KREMEN1: variants seen among roughly 807,000 people sequenced by gnomAD.
KREMEN1 encodes the protein kremen protein 1.
KREMEN1 carries 30 observed loss-of-function variants against 46.5 expected under a neutral mutation model. The ratio of observed to expected loss-of-function variants is 0.65; its 90% CI spans 0.48 to 0.88. The LOEUF (loss-of-function observed/expected upper bound fraction) is 0.88. KREMEN1 is among the 40% of genes least tolerant of loss of function. KREMEN1 has a pLI of 0.00. For synonymous variants in KREMEN1, 214 were observed against 230.6 expected, an observed-to-expected ratio of 0.93 and a Z score of 0.65; for missense variants, 533 against 596.9, an observed-to-expected ratio of 0.89 and a Z score of 1.11.
chr22:29,163,592 G>T (rs771978537), intron 9 of KREMEN1, among the ~76,000 whole-genome samples: 13 of 152,082 alleles, frequency 8.5e-5, no homozygotes, highest in Non-Finnish European at 1.3e-4. Context: ...GGCCAGGTTG[G>T]TCTGGAACTC....
intron 1 of KREMEN1, among the ~76,000 whole-genome samples, chr22:29,074,999 G>GC (rs1427564142): frequency 6.6e-6 from 1 of 152,176 alleles, no homozygotes; most frequent in African/African-American, 2.4e-5. Context: ...AATGCTAAGA[G>GC]CTTTCGGTCT....
chr22:29,164,272 G>GA (rs575697012), intron 9 of KREMEN1, among the ~76,000 whole-genome samples: 11 of 152,346 alleles, frequency 7.2e-5, no homozygotes, highest in African/African-American at 2.6e-4. Context: ...AAACTGATGG[G>GA]ACCAGTCCTT....
downstream of KREMEN1, among the ~76,000 whole-genome samples, chr22:29,150,441 C>A (rs952500241): frequency 2.0e-5 from 3 of 152,218 alleles, no homozygotes; most frequent in Non-Finnish European, 4.4e-5. Context: ...CCAGAGTAAC[C>A]CCTCCGGGAG....
At chr22:29,099,784 G>A (rs762888227) in intron 3 of KREMEN1, among the ~76,000 whole-genome samples, 1 of 151,990 alleles carries the variant, frequency 6.6e-6, no homozygotes, top group South Asian at 2.1e-4. Context: ...TCTTGACCTC[G>A]TGATCCGCCC....
At position 29,146,435 on chromosome 22, in the gene KREMEN1, A is replaced by ATTTTC. The variant is rs1240612350; in HGVS notation, c.*4323_*4324insTTTTC. The ATTTTC allele has an allele frequency of 5.1e-6, 5 of 985,536 alleles. No homozygotes were observed. Among genetic ancestry groups the ATTTTC allele is most frequent in the Non-Finnish European group, 6.0e-6 (5 of 829,954 alleles). The allele number at this position is 985,536 out of a possible 1,614,324, so 61.0% of individuals were successfully genotyped here. On this transcript the variant is annotated 3_prime_UTR_variant, in exon 9 of 9. Transcript: ENST00000400335. Reference sequence around the variant, plus strand: ...GAGGCAGAAGTGGGGTGTGGAGGAAAGTCAGAGGGAAATCTGCTTCAGAAA... The same window carrying ATTTTC: ...GAGGCAGAAGTGGGGTGTGGAGGAAATTTTCGTCAGAGGGAAATCTGCTTCAGAAA...
At chr22:29,076,034 G>C (rs1028608586) in intron 1 of KREMEN1, among the ~76,000 whole-genome samples, 1 of 152,142 alleles carries the variant, frequency 6.6e-6, no homozygotes, top group South Asian at 2.1e-4. Flanking sequence ...GAAAGTAGAA[G>C]GTAATGGAAT....
At chr22:29,098,666 A>G (rs1379099875) in intron 2 of KREMEN1, among the ~76,000 whole-genome samples, 196 bp from the exon 3 acceptor site, 1 of 152,198 alleles carries the variant, frequency 6.6e-6, no homozygotes, top group Non-Finnish European at 1.5e-5. Flanking sequence ...ACTCTGAAGT[A>G]TATGTCAGAA....
At chr22:29,077,686 A>G (rs1186483929) in intron 1 of KREMEN1, among the ~76,000 whole-genome samples, 2 of 152,240 alleles carry the variant, frequency 1.3e-5, no homozygotes, top group African/African-American at 2.4e-5. Context: ...ACAGGCAGTG[A>G]GCCAGATCTG....
At chr22:29,118,913 C>G (rs923667646) in intron 3 of KREMEN1, among the ~76,000 whole-genome samples, 1 of 152,172 alleles carries the variant, frequency 6.6e-6, no homozygotes, top group African/African-American at 2.4e-5. Context: ...AAGACTGCCC[C>G]CCACTTCAGA....
At chr22:29,087,652 G>A (rs980658964) in intron 1 of KREMEN1, among the ~76,000 whole-genome samples, 1 of 151,784 alleles carries the variant, frequency 6.6e-6, no homozygotes, top group African/African-American at 2.4e-5. Context: ...TGCAACCTCC[G>A]CCTCCCGGGT....
At chr22:29,159,783 G>A (rs1338381866) in intron 9 of KREMEN1, among the ~76,000 whole-genome samples, 3 of 152,180 alleles carry the variant, frequency 2.0e-5, no homozygotes, top group African/African-American at 7.2e-5. Flanking sequence ...ACGTGATGTT[G>A]AGGATGGCAG....
At position 29,142,948 on chromosome 22, in the gene KREMEN1, G is replaced by C. The variant is rs889721850; in HGVS notation, c.*836G>C. On this transcript the variant is annotated 3_prime_UTR_variant, in exon 9 of 9. Coordinates refer to ENST00000400335, the MANE Select transcript of KREMEN1 (RefSeq NM_001039570.3). ...GCAGATCACCTGAGGTCAGGAGTTC[G>C]AGACCAGCCTGGCCAACATGGTGAA... 1 of 778,404 alleles carries C rather than the reference G, an allele frequency of 1.3e-6. No individual in the cohort carries two copies. Among genetic ancestry groups the C allele is most frequent in the African/African-American group, 1.9e-5 (1 of 53,086 alleles). The allele number at this position is 778,404 out of a possible 1,614,324, so 48.2% of individuals were successfully genotyped here.
intron 4 of KREMEN1, among the ~76,000 whole-genome samples, chr22:29,122,050 A>G (rs1261546167): frequency 6.6e-6 from 1 of 152,266 alleles, no homozygotes; most frequent in East Asian, 1.9e-4. Flanking sequence ...AGGAGAAAGT[A>G]GTTGTTAAAT....
At chr22:29,160,915 A>G (rs1290731105) in intron 9 of KREMEN1, among the ~76,000 whole-genome samples, 1 of 152,228 alleles carries the variant, frequency 6.6e-6, no homozygotes, top group Non-Finnish European at 1.5e-5. Context: ...AAAAATTCAT[A>G]CAAAGAATCA....
rs764121134 is a variant in KREMEN1, at chr22:29,142,118, C to T, written c.*6C>T. On this transcript the variant is annotated 3_prime_UTR_variant, in exon 9 of 9. Transcript: ENST00000400335. ...ATCCCCTTGTGAGTGACTAAAAACC[C>T]CACTGTGCCTAGGACTTGAGGTCCC... 3.1e-6 allele frequency: 5 copies of T among 1,587,934 alleles called. No homozygotes were observed. In the East Asian group the frequency reaches 1.2e-4, roughly 37 times the overall value.
intron 3 of KREMEN1, among the ~76,000 whole-genome samples, chr22:29,115,248 G>A (rs1484730488): frequency 2.0e-5 from 3 of 152,184 alleles, no homozygotes; most frequent in Admixed American, 6.5e-5. Context: ...ATGCAAAGGC[G>A]TAAGAATGAC....
At chr22:29,166,940 AAAC>A in intron 9 of KREMEN1, 1 of 932,722 alleles carries the variant, frequency 1.1e-6, no homozygotes, top group African/African-American at 1.6e-5. Flanking sequence ...CTCAAAAACA[AAAC>A]AAAAGAGACC....
intron 9 of KREMEN1, among the ~76,000 whole-genome samples, chr22:29,153,185 C>T (rs892755658): frequency 3.3e-5 from 5 of 152,128 alleles, no homozygotes; most frequent in Non-Finnish European, 7.4e-5. Context: ...GGACAACCAG[C>T]CATGTTGGTT....
At chr22:29,123,980 G>T (rs1329575882) in intron 4 of KREMEN1, among the ~76,000 whole-genome samples, 1 of 152,116 alleles carries the variant, frequency 6.6e-6, no homozygotes, top group Non-Finnish European at 1.5e-5. Flanking sequence ...TGTTGGTGCA[G>T]ATCTAGAATG....
Sources: allele counts gnomAD v4.1 joint callset (sites outside exome capture counted in the v4.1 genomes callset), GRCh38; gene constraint gnomAD v4.1.1; transcripts MANE v1.5; gene names NCBI Gene and HGNC (gene_info 2026-07-23, HGNC 2026-07-21).